ARHGEF18: variants seen among roughly 807,000 people sequenced by gnomAD.
The protein encoded by ARHGEF18 is Rho/Rac guanine nucleotide exchange factor 18.
A neutral mutation model predicts 155.7 loss-of-function variants in ARHGEF18; 93 were observed. The observed-to-expected ratio is 0.60, with a 90% CI of 0.50 to 0.71. The LOEUF (loss-of-function observed/expected upper bound fraction) is 0.71. Among genes scored for constraint, ARHGEF18 ranks in the 30% least tolerant of loss-of-function variants. ARHGEF18 has a pLI of 0.00. For synonymous variants in ARHGEF18, 742 were observed against 753.1 expected (o/e 0.99, Z 0.24); for missense variants, 1,593 against 1,816.1 (o/e 0.88, Z 2.23).
At chr19:7,416,664 A>C in intron 10 of ARHGEF18, among the ~76,000 whole-genome samples, 1 of 144,196 alleles carries the variant, frequency 6.9e-6, no homozygotes, top group South Asian at 2.2e-4. Flanking sequence ...GTGCAGTGGC[A>C]CGATCTTGGC....
rs1449838712 is a variant in ARHGEF18, at chr19:7,395,496, C to T, written c.967+12293C>T. On this transcript the variant is annotated intron_variant, in intron 10 of 28. Coordinates refer to ENST00000668164, the MANE Select transcript of ARHGEF18 (RefSeq NM_001367823.1). The surrounding 1 kb of genome is among the most constrained non-coding windows in gnomAD (Gnocchi z 5.0). ...ATGCCCGCCCGCTCCGTCCGAGCCC[C>T]AGCCAGTCCTGGGGTGCTACGGCTT... 1.3e-5 allele frequency among the ~76,000 whole-genome samples: 2 copies of T among 152,112 alleles called. No individual in the cohort carries two copies. The highest frequency in any genetic ancestry group is 2.9e-5 in the Non-Finnish European group (2 of 67,996).
At chr19:7,418,911 A>G (rs1002691221) in intron 10 of ARHGEF18, among the ~76,000 whole-genome samples, 7 of 151,936 alleles carry the variant, frequency 4.6e-5, no homozygotes, top group African/African-American at 1.7e-4. Flanking sequence ...GCGCCTGTTC[A>G]GTAAGCACCA....
intron 10 of ARHGEF18, among the ~76,000 whole-genome samples, chr19:7,400,062 T>C (rs1425290360): frequency 6.6e-6 from 1 of 152,178 alleles, no homozygotes; most frequent in African/African-American, 2.4e-5. Flanking sequence ...TGAGTCACCA[T>C]GCACGGCTTC....
chr19:7,476,556 G>A (rs1977232620), downstream of ARHGEF18, among the ~76,000 whole-genome samples: 1 of 152,240 alleles, frequency 6.6e-6, no homozygotes, highest in Non-Finnish European at 1.5e-5. Flanking sequence ...CCCAGTCTCA[G>A]CCTGGAGCCC....
rs557416372 is a variant in ARHGEF18, at chr19:7,358,639, A to G, written c.-110-4142A>G. On this transcript the variant is annotated intron_variant, in intron 1 of 28. Transcript: ENST00000668164. ...GGGCACTGACTCTGTGCCCAACCCA[A>G]CACAGCAGAGGATAGCCTGGTGATT... Among the ~76,000 whole-genome samples the G allele has an allele frequency of 9.2e-5, 14 of 152,272 alleles. No homozygotes were observed. In the East Asian group the frequency reaches 2.7e-3, roughly 29 times the overall value.
chr19:7,395,035 C>A lies in ARHGEF18; in HGVS notation c.967+11832C>A. ...CAGCCCCAGGTCCCCGGGAGCGCCCCGCCCTCGAGGGCACGCCTCCTTCCG... is the reference window on the plus strand; with the variant it reads ...CAGCCCCAGGTCCCCGGGAGCGCCCAGCCCTCGAGGGCACGCCTCCTTCCG... On this transcript the variant is annotated intron_variant, in intron 10 of 28. Coordinates refer to ENST00000668164, the MANE Select transcript of ARHGEF18 (RefSeq NM_001367823.1). This position sits in a 1 kb window ranked among gnomAD's most constrained non-coding sequence, Gnocchi z 5.0. 1.0e-6 allele frequency: 1 copy of A among 984,742 alleles called. No homozygotes were observed. The highest frequency in any genetic ancestry group is 4.7e-5 in the South Asian group (1 of 21,276). 61.0% of individuals were successfully genotyped at this position (984,742 alleles called of 1,614,324 possible).
At chr19:7,476,709 C>T (rs1167038604), downstream of ARHGEF18, among the ~76,000 whole-genome samples, 1 of 152,196 alleles carries the variant, frequency 6.6e-6, no homozygotes. Flanking sequence ...CTGGAGGCCA[C>T]TTGGGGTCCG....
rs1344857041 is a variant in ARHGEF18, at chr19:7,395,473, G to A, written c.967+12270G>A. 6.6e-6 allele frequency among the ~76,000 whole-genome samples: 1 copy of A among 152,110 alleles called. No homozygotes were observed. Among genetic ancestry groups the A allele is most frequent in the African/African-American group, 2.4e-5 (1 of 41,428 alleles). ...TGCAGGGTGCAGAGGTGCAGACGAT[G>A]CCCGCCCGCTCCGTCCGAGCCCCAG... On this transcript the variant is annotated intron_variant, in intron 10 of 28. Coordinates refer to ENST00000668164, the MANE Select transcript of ARHGEF18 (RefSeq NM_001367823.1). This position sits in a 1 kb window ranked among gnomAD's most constrained non-coding sequence, Gnocchi z 5.0.
chr19:7,362,072 A>G (rs1380503464), intron 1 of ARHGEF18, among the ~76,000 whole-genome samples: 7 of 23,388 alleles, frequency 3.0e-4, no homozygotes, highest in African/African-American at 1.6e-3. Flanking sequence ...AAGGAGAAGG[A>G]GAAGGAGAAG....
intron 10 of ARHGEF18, among the ~76,000 whole-genome samples, chr19:7,425,696 A>AT (rs1973621192): frequency 6.6e-6 from 1 of 150,678 alleles, no homozygotes; most frequent in East Asian, 2.0e-4. Context: ...AAAAAAAAAA[A>AT]AGCTTATTAA....
At chr19:7,438,190 T>C (rs1974393926) in intron 10 of ARHGEF18, among the ~76,000 whole-genome samples, 1 of 148,834 alleles carries the variant, frequency 6.7e-6, no homozygotes, top group Admixed American at 6.8e-5. Flanking sequence ...AGCCTTGAAC[T>C]CCTGGGCTCA....
At chr19:7,416,768 A>G (rs1317553585) in intron 10 of ARHGEF18, among the ~76,000 whole-genome samples, 1 of 132,776 alleles carries the variant, frequency 7.5e-6, no homozygotes. Flanking sequence ...ACGCCCAGCT[A>G]ATTTTTTGTA....
intron 10 of ARHGEF18, among the ~76,000 whole-genome samples, chr19:7,424,087 C>T (rs952287681): frequency 6.6e-6 from 1 of 151,864 alleles, no homozygotes; most frequent in South Asian, 2.1e-4. Flanking sequence ...AGTGCAATGG[C>T]GTGATCTCGG....
intron 10 of ARHGEF18, among the ~76,000 whole-genome samples, chr19:7,434,547 G>A (rs1974147919): frequency 6.6e-6 from 1 of 152,202 alleles, no homozygotes; most frequent in African/African-American, 2.4e-5. Context: ...TGGGCAGGAG[G>A]CGCTAATTAG....
At position 7,453,673 on chromosome 19, in the gene ARHGEF18, G is replaced by A; in HGVS notation, c.2062G>A (p.Glu688Lys). ...CATGCTTCAGCGGCAGCTCCACCTG[G>A]AGGGCATGCTATGCTGGAAGACCAC... ...EDMLQRQLHLEGMLCWKTTSG... is the reference protein window; with the variant it reads ...EDMLQRQLHLKGMLCWKTTSG... The change falls in exon 17 of 29, where the codon GAG becomes AAG. Residue 688 changes from glutamate to lysine, a missense_variant. Coordinates refer to ENST00000668164, the MANE Select transcript of ARHGEF18 (RefSeq NM_001367823.1). 1 of 1,601,540 alleles carries A rather than the reference G, an allele frequency of 6.2e-7. No individual in the cohort carries two copies. Among genetic ancestry groups the A allele is most frequent in the East Asian group, 2.2e-5 (1 of 44,634 alleles).
chr19:7,466,412 C>G (rs984269624), intron 23 of ARHGEF18, among the ~76,000 whole-genome samples: 3 of 134,374 alleles, frequency 2.2e-5, no homozygotes, highest in African/African-American at 8.6e-5. Flanking sequence ...TTAAAAATAG[C>G]TGATCCTGGT....
At chr19:7,426,360 G>A (rs1973662043) in intron 10 of ARHGEF18, among the ~76,000 whole-genome samples, 1 of 151,806 alleles carries the variant, frequency 6.6e-6, no homozygotes, top group Non-Finnish European at 1.5e-5. Context: ...GGTGGAACGT[G>A]CCTGTCGTCC....
At chr19:7,360,993 G>T (rs1969524171) in intron 1 of ARHGEF18, among the ~76,000 whole-genome samples, 1 of 152,128 alleles carries the variant, frequency 6.6e-6, no homozygotes, top group South Asian at 2.1e-4. Flanking sequence ...GCATCAGGGG[G>T]CAAATTTACC....
At chr19:7,375,387 G>GAAGGAAGGAAGA (rs562695528) in intron 3 of ARHGEF18, among the ~76,000 whole-genome samples, 30,903 of 143,832 alleles carry the variant, frequency 0.21, 3,770 homozygotes, top group Non-Finnish European at 0.27. Flanking sequence ...GAAAGAAAAG[G>GAAGGAAGGAAGA]AAGGAAGGAA....
Sources: allele counts gnomAD v4.1 joint callset (sites outside exome capture counted in the v4.1 genomes callset), GRCh38; gene constraint gnomAD v4.1.1; non-coding constraint Gnocchi (gnomAD v3.1); transcripts MANE v1.5; gene names NCBI Gene and HGNC (gene_info 2026-07-23, HGNC 2026-07-21).